Variants in EYA2 observed in about 807,000 individuals in gnomAD.
The protein encoded by EYA2 is EYA transcriptional coactivator and phosphatase 2.
In EYA2, 31 loss-of-function variants were observed where a neutral mutation model predicts 69.2. The ratio of observed to expected loss-of-function variants is 0.45; its 90% confidence interval spans 0.34 to 0.60. EYA2 has a LOEUF of 0.60. EYA2 is among the 20% of genes least tolerant of loss of function. The pLI, the probability that EYA2 is intolerant of heterozygous loss-of-function variation, is 0.02. For missense variants in EYA2, 622 were observed against 701.2 expected, an observed-to-expected ratio of 0.89 and a Z score of 1.28; for synonymous variants, 257 against 279.4, an observed-to-expected ratio of 0.92 and a Z score of 0.80.
intron 5 of EYA2, among the ~76,000 whole-genome samples, chr20:47,066,122 T>G (rs1229854246): frequency 2.6e-5 from 4 of 152,152 alleles, no homozygotes; most frequent in African/African-American, 9.7e-5. Context: ...GGCAGATTGC[T>G]TGAGCCCAGG....
intron 5 of EYA2, among the ~76,000 whole-genome samples, chr20:47,029,070 C>G (rs535971702): frequency 6.6e-6 from 1 of 152,244 alleles, no homozygotes; most frequent in African/African-American, 2.4e-5. Context: ...TGGATTCAGC[C>G]CACAGGCTGC....
intron 5 of EYA2, among the ~76,000 whole-genome samples, chr20:47,055,633 C>T (rs2030575704): frequency 1.3e-5 from 2 of 152,180 alleles, no homozygotes; most frequent in Admixed American, 6.5e-5. Flanking sequence ...CTTTCAGATC[C>T]TTACCCCTCA....
At chr20:46,937,649 A>ATTT (rs5841661) in intron 1 of EYA2, among the ~76,000 whole-genome samples, 72 of 128,422 alleles carry the variant, frequency 5.6e-4, no homozygotes, top group African/African-American at 1.6e-3. Flanking sequence ...TCATGCCTTG[A>ATTT]TTTTTTTTTT....
chr20:47,148,483 A>G (rs1372445739), intron 10 of EYA2, among the ~76,000 whole-genome samples: 1 of 152,124 alleles, frequency 6.6e-6, no homozygotes, highest in Non-Finnish European at 1.5e-5. Context: ...GAATTAGAAA[A>G]CTATAACTAG....
At chr20:47,174,014 G>A (rs1469982482) in intron 12 of EYA2, among the ~76,000 whole-genome samples, 1 of 152,220 alleles carries the variant, frequency 6.6e-6, no homozygotes, top group African/African-American at 2.4e-5. Context: ...TGGCTCAGCC[G>A]TAGTCTAGAG....
chr20:47,042,042 G>A (rs1008238193), intron 5 of EYA2, among the ~76,000 whole-genome samples: 3 of 152,020 alleles, frequency 2.0e-5, no homozygotes, highest in African/African-American at 4.8e-5. Flanking sequence ...TTAAATTATA[G>A]CCAAGTATCC....
chr20:47,098,315 C>A (rs1280913516), intron 9 of EYA2, among the ~76,000 whole-genome samples: 1 of 152,152 alleles, frequency 6.6e-6, no homozygotes, highest in African/African-American at 2.4e-5. Context: ...ACAGCCATTG[C>A]AAAAATTTGG....
At chr20:47,114,158 C>T (rs1038269791) in intron 9 of EYA2, among the ~76,000 whole-genome samples, 4 of 152,214 alleles carry the variant, frequency 2.6e-5, no homozygotes, top group Non-Finnish European at 5.9e-5. Context: ...CCTCTCATCC[C>T]TGGGGGCAGG....
chr20:47,016,606 G>A (rs1568726098), intron 5 of EYA2, among the ~76,000 whole-genome samples: 1 of 152,196 alleles, frequency 6.6e-6, no homozygotes, highest in East Asian at 1.9e-4. Flanking sequence ...TGAGATTTGT[G>A]ACTTTAGATC....
intron 1 of EYA2, among the ~76,000 whole-genome samples, chr20:46,936,160 T>TA (rs1434282004): frequency 1.3e-5 from 2 of 152,160 alleles, no homozygotes; most frequent in Non-Finnish European, 1.5e-5. Flanking sequence ...AAGGAGGGGT[T>TA]AATGATGACA....
At chr20:47,117,459 G>T (rs940541947) in intron 9 of EYA2, 52 of 985,120 alleles carry the variant, frequency 5.3e-5, no homozygotes, top group Middle Eastern at 5.2e-4. Context: ...ACAGCTCCTC[G>T]ACCGGCTCCT....
At chr20:47,084,534 C>A (rs1270985309) in intron 7 of EYA2, among the ~76,000 whole-genome samples, 3 of 152,006 alleles carry the variant, frequency 2.0e-5, no homozygotes, top group Non-Finnish European at 4.4e-5. Flanking sequence ...GAGACCCTGT[C>A]TCAAAAAATA....
intron 9 of EYA2, among the ~76,000 whole-genome samples, chr20:47,136,923 G>C (rs1157569106): frequency 6.6e-6 from 1 of 152,038 alleles, no homozygotes; most frequent in Non-Finnish European, 1.5e-5. Context: ...GAAATCTGTA[G>C]AACATTAGGG....
chr20:47,186,716 C>G (rs1199405638), intron 15 of EYA2, among the ~76,000 whole-genome samples: 2 of 152,142 alleles, frequency 1.3e-5, no homozygotes, highest in Admixed American at 1.3e-4. Flanking sequence ...TGAGACACCC[C>G]CATCCCATTC....
chr20:47,072,383 A>C lies in EYA2; in HGVS notation c.483+131A>C, dbSNP rs553864369. 6 of 847,504 alleles carry C rather than the reference A, an allele frequency of 7.1e-6. No homozygotes were observed. In the African/African-American group the frequency reaches 1.0e-4, roughly 14 times the overall value. The allele number at this position is 847,504 out of a possible 1,614,324, so 52.5% of individuals were successfully genotyped here. On this transcript the variant is annotated intron_variant, in intron 6 of 15. Transcript: ENST00000327619. ...CCTGCCTCTTAGTCCCTGGGTTTGG[A>C]GACTACAGGGGCTAGATTGTGCAAA...
chr20:47,084,408 G>A (rs1427339636), intron 7 of EYA2, among the ~76,000 whole-genome samples: 1 of 152,176 alleles, frequency 6.6e-6, no homozygotes, highest in Non-Finnish European at 1.5e-5. Flanking sequence ...AGGTGTTGTG[G>A]TGCAGGCTCG....
At chr20:47,111,986 A>C (rs2032758290) in intron 9 of EYA2, among the ~76,000 whole-genome samples, 2 of 151,876 alleles carry the variant, frequency 1.3e-5, no homozygotes, top group Non-Finnish European at 2.9e-5. Context: ...TTTTTTTTTC[A>C]AAAAATTAGC....
chr20:46,991,939 G>T (rs1047288619), intron 2 of EYA2, among the ~76,000 whole-genome samples: 3 of 148,508 alleles, frequency 2.0e-5, no homozygotes, highest in Non-Finnish European at 4.4e-5. Context: ...TTGCACTCCA[G>T]CCTGGGCGAC....
chr20:46,987,964 C>CTCTCTCTCTCTCTA (rs1555809797), intron 1 of EYA2, among the ~76,000 whole-genome samples: 4 of 11,272 alleles, frequency 3.5e-4, no homozygotes, highest in African/African-American at 5.5e-4. Context: ...CTCTCTCTCT[C>CTCTCTCTCTCTCTA]TATATATATA....
Sources: gnomAD v4.1 joint callset for allele counts (sites outside exome capture counted in the v4.1 genomes callset) on GRCh38, gnomAD v4.1.1 for gene constraint, MANE v1.5 for transcripts, NCBI Gene and HGNC (gene_info 2026-07-23, HGNC 2026-07-21) for gene names.